PRKG2: variants seen among roughly 807,000 people sequenced by gnomAD.
PRKG2 encodes the protein protein kinase cGMP-dependent 2, also known as cGMP-dependent protein kinase 2.
Under a neutral mutation model 97.2 loss-of-function variants are expected in PRKG2, and 33 were observed. The ratio of observed to expected loss-of-function variants is 0.34; its 90% confidence interval spans 0.26 to 0.45. The LOEUF (loss-of-function observed/expected upper bound fraction) is 0.45. PRKG2 is among the 20% of genes least tolerant of loss of function. The probability of loss-of-function intolerance (pLI) is 1.00; values close to 1 mark genes in which losing one functional copy is unlikely to be tolerated. For missense variants in PRKG2, 638 were observed against 900.0 expected, an observed-to-expected ratio of 0.71 and a Z score of 3.73; for synonymous variants, 330 against 321.8, an observed-to-expected ratio of 1.03 and a Z score of -0.27.
chr4:81,126,523 T>C (rs1176107580), intron 14 of PRKG2, among the ~76,000 whole-genome samples: 1 of 152,210 alleles, frequency 6.6e-6, no homozygotes, highest in East Asian at 1.9e-4. Flanking sequence ...TTTCTCCATA[T>C]TCTCTCCATC....
At chr4:81,207,474 A>G (rs928268958) in intron 1 of PRKG2, among the ~76,000 whole-genome samples, 1 of 152,230 alleles carries the variant, frequency 6.6e-6, no homozygotes, top group Non-Finnish European at 1.5e-5. Flanking sequence ...ATACCATATC[A>G]GAGGCATATC....
chr4:81,091,423 C>A (rs957976706), intron 18 of PRKG2, among the ~76,000 whole-genome samples: 2 of 152,040 alleles, frequency 1.3e-5, no homozygotes, highest in Non-Finnish European at 2.9e-5. Flanking sequence ...GCTGGGATGA[C>A]AGGTGCCCGC....
At chr4:81,158,943 T>C (rs1749361487) in intron 6 of PRKG2, among the ~76,000 whole-genome samples, 1 of 149,006 alleles carries the variant, frequency 6.7e-6, no homozygotes, top group Non-Finnish European at 1.5e-5. Flanking sequence ...TCCTTACACC[T>C]TATACAAAAA....
intron 17 of PRKG2, among the ~76,000 whole-genome samples, chr4:81,092,689 C>T (rs974817894): frequency 1.3e-5 from 2 of 152,220 alleles, no homozygotes; most frequent in African/African-American, 4.8e-5. Flanking sequence ...TATTCATCTT[C>T]TCACTATTAG....
At chr4:81,089,914 G>A (rs1356829954) in intron 18 of PRKG2, 111 bp from the exon 19 acceptor site, 2 of 838,866 alleles carry the variant, frequency 2.4e-6, no homozygotes, top group Non-Finnish European at 3.7e-6. Flanking sequence ...GCAGCCACTT[G>A]GAAGTTACAT....
At chr4:81,113,437 G>A (rs976262738) in intron 14 of PRKG2, among the ~76,000 whole-genome samples, 4 of 151,804 alleles carry the variant, frequency 2.6e-5, no homozygotes, top group Non-Finnish European at 5.9e-5. Flanking sequence ...TTGTACACAG[G>A]TTTGCCCTTG....
chr4:81,142,627 G>A (rs1402377488), intron 11 of PRKG2, among the ~76,000 whole-genome samples, 167 bp downstream of exon 11: 1 of 152,076 alleles, frequency 6.6e-6, no homozygotes, highest in Non-Finnish European at 1.5e-5. Context: ...GCACAGACCT[G>A]CTACTATACA....
intron 18 of PRKG2, among the ~76,000 whole-genome samples, chr4:81,090,807 T>C (rs975425522): frequency 6.6e-6 from 1 of 152,238 alleles, no homozygotes; most frequent in Non-Finnish European, 1.5e-5. Flanking sequence ...TTAGAATTTG[T>C]ATCTGCATAA....
chr4:81,196,388 C>A (rs1326912069), intron 2 of PRKG2, among the ~76,000 whole-genome samples: 4 of 152,166 alleles, frequency 2.6e-5, no homozygotes, highest in Non-Finnish European at 4.4e-5. Context: ...GTTTAAGCTA[C>A]TAAGTTTGTG....
intron 14 of PRKG2, among the ~76,000 whole-genome samples, chr4:81,131,648 T>C (rs1159726098): frequency 1.3e-5 from 2 of 152,220 alleles, no homozygotes; most frequent in Non-Finnish European, 2.9e-5. Context: ...CTAGGATTCA[T>C]CTAGAATTAA....
intron 2 of PRKG2, among the ~76,000 whole-genome samples, chr4:81,176,248 C>A (rs1232842869): frequency 6.6e-6 from 1 of 152,104 alleles, no homozygotes; most frequent in Non-Finnish European, 1.5e-5. Flanking sequence ...TCACTGTTAT[C>A]CATTTTATTT....
At chr4:81,197,326 G>A (rs777221517) in intron 2 of PRKG2, among the ~76,000 whole-genome samples, 11 of 152,206 alleles carry the variant, frequency 7.2e-5, no homozygotes, top group Non-Finnish European at 1.3e-4. Flanking sequence ...GAAAATGTAA[G>A]GGAGAAGAGG....
chr4:81,169,630 T>A (rs748275861), intron 5 of PRKG2, 33 bp downstream of exon 5: 2 of 1,433,762 alleles, frequency 1.4e-6, no homozygotes, highest in Non-Finnish European at 1.9e-6. Context: ...GCGACTCCAC[T>A]GTCTTCACTG....
chr4:81,112,016 A>G (rs766089055), intron 14 of PRKG2, among the ~76,000 whole-genome samples: 1 of 152,190 alleles, frequency 6.6e-6, no homozygotes, highest in Non-Finnish European at 1.5e-5. Flanking sequence ...CCCTCATCTA[A>G]AAAAAGTATG....
intron 17 of PRKG2, among the ~76,000 whole-genome samples, chr4:81,099,773 G>T (rs1578333401): frequency 6.6e-6 from 1 of 152,108 alleles, no homozygotes; most frequent in Non-Finnish European, 1.5e-5. Flanking sequence ...AAGTCAAATT[G>T]TCCCTGTTTG....
At chr4:81,163,780 T>C (rs1449258751) in intron 6 of PRKG2, among the ~76,000 whole-genome samples, 21 of 152,158 alleles carry the variant, frequency 1.4e-4, no homozygotes, top group Admixed American at 1.2e-3. Context: ...AAATCTTCTT[T>C]ATAAGTATCT....
chr4:81,171,722 T>C lies in PRKG2; in HGVS notation c.711A>G (p.Leu237=), dbSNP rs779554712. The change falls in exon 4 of 19, where the codon TTA becomes TTG. Residue 237 remains leucine, a synonymous_variant. Coordinates refer to ENST00000264399, the MANE Select transcript of PRKG2 (RefSeq NM_006259.3). ...CAGAGGCAGTCCTTGTACAATTGTA[T>C]AAAATGGCAAGCTCCCCAAATGTGG... The part of the protein sequence containing the change: ...MWTTFGELAI[L]YNCTRTASVK... 3.7e-6 allele frequency: 6 copies of C among 1,610,404 alleles called. No homozygotes were observed. The highest frequency in any genetic ancestry group is 1.1e-5 in the South Asian group (1 of 90,388).
chr4:81,146,509 A>G (rs1159505132), intron 9 of PRKG2, among the ~76,000 whole-genome samples: 3 of 152,212 alleles, frequency 2.0e-5, no homozygotes, highest in African/African-American at 7.2e-5. Flanking sequence ...AATATAACTC[A>G]AAGTTTAACT....
intron 8 of PRKG2, among the ~76,000 whole-genome samples, chr4:81,151,150 G>GA (rs960664495): frequency 9.2e-5 from 14 of 152,076 alleles, no homozygotes; most frequent in Middle Eastern, 6.8e-3. Context: ...AAATGAACAG[G>GA]AATACTATTC....
Sources: gnomAD v4.1 joint callset for allele counts (sites outside exome capture counted in the v4.1 genomes callset) on GRCh38, gnomAD v4.1.1 for gene constraint, MANE v1.5 for transcripts, NCBI Gene and HGNC (gene_info 2026-07-23, HGNC 2026-07-21) for gene names.